CACNB2: variants seen among roughly 807,000 people sequenced by gnomAD.
The protein encoded by CACNB2 is voltage-dependent L-type calcium channel subunit beta-2.
CACNB2 carries 42 observed loss-of-function variants against 73.3 expected under a neutral mutation model. The ratio of observed to expected loss-of-function variants is 0.57; its 90% confidence interval spans 0.45 to 0.74. The LOEUF (loss-of-function observed/expected upper bound fraction) is 0.74. Among genes scored for constraint, CACNB2 ranks in the 30% least tolerant of loss-of-function variants. The probability of loss-of-function intolerance (pLI) is 0.00; values close to 1 mark genes in which losing one functional copy is unlikely to be tolerated. For missense variants in CACNB2, 940 were observed against 853.0 expected (o/e 1.10, Z -1.27); for synonymous variants, 348 against 310.3 (o/e 1.12, Z -1.28).
chr10:18,533,088 A>C (rs2053224558), intron 10 of CACNB2: 2 of 152,326 alleles, frequency 1.3e-5, no homozygotes, highest in Admixed American at 1.3e-4. Flanking sequence ...GCTTCTGGCA[A>C]GAATCCAACG....
intron 2 of CACNB2, among the ~76,000 whole-genome samples, chr10:18,233,853 G>C (rs2036320434): frequency 1.3e-5 from 2 of 152,166 alleles, no homozygotes; most frequent in Admixed American, 6.5e-5. Context: ...TCTTTTAGGA[G>C]GGTCAGCCAG....
intron 3 of CACNB2, among the ~76,000 whole-genome samples, chr10:18,486,995 C>T (rs369498145): frequency 1.4e-4 from 21 of 152,222 alleles, no homozygotes; most frequent in East Asian, 1.4e-3. Context: ...CTCCCAAGTG[C>T]GTCATCTGGT....
At chr10:18,431,202 C>T (rs936120201) in intron 3 of CACNB2, among the ~76,000 whole-genome samples, 5 of 151,786 alleles carry the variant, frequency 3.3e-5, no homozygotes, top group African/African-American at 1.2e-4. Flanking sequence ...AGCCTCGTCT[C>T]AAACTCCTGG....
chr10:18,311,219 C>T (rs1025753987), intron 2 of CACNB2, among the ~76,000 whole-genome samples: 4 of 152,110 alleles, frequency 2.6e-5, no homozygotes, highest in Non-Finnish European at 5.9e-5. Flanking sequence ...CAAATATCTG[C>T]TTTTACTTAT....
chr10:18,309,641 A>G (rs187806676), intron 2 of CACNB2, among the ~76,000 whole-genome samples: 161 of 152,102 alleles, frequency 1.1e-3, no homozygotes, highest in South Asian at 2.1e-3. Flanking sequence ...TATTTTTAGT[A>G]GAGACAGCGT....
At chr10:18,403,074 C>A (rs1361846568) in intron 3 of CACNB2, among the ~76,000 whole-genome samples, 1 of 152,116 alleles carries the variant, frequency 6.6e-6, no homozygotes, top group African/African-American at 2.4e-5. Flanking sequence ...TGCCAGGAGA[C>A]CTTGACTTCT....
In CACNB2 at chr10:18,531,392, T is replaced by C. The variant is rs151000040; in HGVS notation, c.1055-2684T>C. Among the ~76,000 whole-genome samples the C allele has an allele frequency of 3.6e-3, 551 of 152,356 alleles. 5 individuals carry two copies. The highest frequency in any genetic ancestry group is 0.012 in the African/African-American group (502 of 41,586). ...GTCATTAACCCTCTATGTACCTTGT[T>C]TTCTTTATCCACTCCATCACTGATG... On this transcript the variant is annotated intron_variant, in intron 10 of 13. Transcript: ENST00000324631.
At chr10:18,252,005 T>C (rs886153353) in intron 2 of CACNB2, among the ~76,000 whole-genome samples, 2 of 152,210 alleles carry the variant, frequency 1.3e-5, no homozygotes, top group Admixed American at 1.3e-4. Flanking sequence ...ATAATTGATA[T>C]GAGGATTAAA....
chr10:18,448,469 CT>C (rs1456717281), intron 3 of CACNB2, among the ~76,000 whole-genome samples: 4 of 113,834 alleles, frequency 3.5e-5, no homozygotes, highest in African/African-American at 1.4e-4. Flanking sequence ...GAGCAAAACT[CT>C]CTCTCATTTA....
intron 2 of CACNB2, chr10:18,261,821 G>T: frequency 4.6e-6 from 2 of 432,080 alleles, no homozygotes; most frequent in Non-Finnish European, 9.2e-6. Flanking sequence ...TTATCATCCT[G>T]TGACTCTTTC....
At chr10:18,322,007 T>C (rs1291640260) in intron 2 of CACNB2, among the ~76,000 whole-genome samples, 2 of 151,996 alleles carry the variant, frequency 1.3e-5, no homozygotes, top group East Asian at 3.9e-4. Flanking sequence ...TATTAAAAAA[T>C]TAGCCAGGCA....
intron 2 of CACNB2, among the ~76,000 whole-genome samples, chr10:18,237,602 C>T (rs920273586): frequency 9.2e-5 from 14 of 152,184 alleles, no homozygotes; most frequent in African/African-American, 3.4e-4. Flanking sequence ...CTTTCAGCCA[C>T]CTATCCTATG....
intron 2 of CACNB2, among the ~76,000 whole-genome samples, chr10:18,181,576 T>C (rs1220063641): frequency 1.0e-5 from 1 of 98,888 alleles, no homozygotes; most frequent in Admixed American, 9.6e-5. Flanking sequence ...TATTTTATTT[T>C]ATTTTATTTT....
intron 2 of CACNB2, among the ~76,000 whole-genome samples, chr10:18,196,669 C>T (rs1008022804): frequency 1.3e-5 from 2 of 152,150 alleles, no homozygotes; most frequent in Non-Finnish European, 1.5e-5. Context: ...TGATGCAAGA[C>T]TTAACTTTTA....
chr10:18,472,362 G>A (rs964068064), intron 3 of CACNB2, among the ~76,000 whole-genome samples: 2 of 150,908 alleles, frequency 1.3e-5, no homozygotes, highest in East Asian at 2.0e-4. Flanking sequence ...TCAGCCTCTC[G>A]AGTAGCTGGG....
chr10:18,407,109 C>CTTTTGTTTTTTTT (rs2044333166), intron 3 of CACNB2, among the ~76,000 whole-genome samples: 1 of 35,572 alleles, frequency 2.8e-5, no homozygotes, highest in Non-Finnish European at 5.2e-5. Context: ...GCTGTTCTGT[C>CTTTTGTTTTTTTT]TTTTTTTTTT....
intron 3 of CACNB2, among the ~76,000 whole-genome samples, chr10:18,429,552 C>T (rs927533648): frequency 1.3e-5 from 2 of 151,816 alleles, no homozygotes; most frequent in African/African-American, 4.8e-5. Flanking sequence ...TTAGGCCAGG[C>T]ATGGTGACTC....
At chr10:18,417,948 A>C (rs2045090683) in intron 3 of CACNB2, among the ~76,000 whole-genome samples, 2 of 152,238 alleles carry the variant, frequency 1.3e-5, no homozygotes, top group Non-Finnish European at 2.9e-5. Flanking sequence ...ACAAACTAAA[A>C]ATTACAGCAG....
At chr10:18,359,251 A>T (rs956910496) in intron 2 of CACNB2, among the ~76,000 whole-genome samples, 2 of 152,124 alleles carry the variant, frequency 1.3e-5, no homozygotes, top group South Asian at 2.1e-4. Context: ...GGAGTTTGTG[A>T]GTAATGTTTG....
Sources: allele counts gnomAD v4.1 joint callset (sites outside exome capture counted in the v4.1 genomes callset), GRCh38; gene constraint gnomAD v4.1.1; transcripts MANE v1.5; gene names NCBI Gene and HGNC (gene_info 2026-07-23, HGNC 2026-07-21).